Variants in NAALADL2 observed in about 807,000 individuals in gnomAD.
NAALADL2 encodes the protein N-acetylated alpha-linked acidic dipeptidase like 2, also known as inactive N-acetylated-alpha-linked acidic dipeptidase-like protein 2.
A neutral mutation model predicts 87.2 loss-of-function variants in NAALADL2; 76 were observed. That is an observed-to-expected ratio of 0.87 (90% CI 0.72 to 1.05). The LOEUF (loss-of-function observed/expected upper bound fraction) is 1.05, where lower values mean the gene tolerates loss of function less well. NAALADL2 is among the 50% of genes least tolerant of loss of function. The probability of loss-of-function intolerance (pLI) is 0.00; values close to 1 mark genes in which losing one functional copy is unlikely to be tolerated. For synonymous variants in NAALADL2, 354 were observed against 331.0 expected (o/e 1.07, Z -0.75); for missense variants, 1,089 against 945.8 (o/e 1.15, Z -1.99).
At chr3:174,901,043 T>A (rs866262442) in intron 1 of NAALADL2, among the ~76,000 whole-genome samples, 12 of 152,296 alleles carry the variant, frequency 7.9e-5, no homozygotes, top group Middle Eastern at 3.4e-3. Context: ...GGAATCAGTG[T>A]GTCCAACTGT....
chr3:174,805,776 T>C (rs1719397647), intron 3 of NAALADL2, among the ~76,000 whole-genome samples: 1 of 152,182 alleles, frequency 6.6e-6, no homozygotes, highest in Admixed American at 6.6e-5. Context: ...ACTCACAATT[T>C]GAAAACTGAT....
Position 174,787,598 on chromosome 3 carries a change from T to TATAC in NAALADL2, c.-9+49855_-9+49856insCATA, listed in dbSNP as rs1553855297. Among the ~76,000 whole-genome samples the TATAC allele has an allele frequency of 6.6e-5, 4 of 60,184 alleles. 1 individual carries two copies. The highest frequency in any genetic ancestry group is 1.4e-3 in the East Asian group (2 of 1,450). 39.5% of individuals were successfully genotyped at this position (60,184 alleles called of 152,430 possible). On this transcript the variant is annotated intron_variant, in intron 3 of 3. Coordinates refer to the NAALADL2 transcript ENST00000434257. ...CATCATATATATATATATATATATATATATATATATATATATATATATAGT... is the reference window on the plus strand; with the variant it reads ...CATCATATATATATATATATATATATATACATATATATATATATATATATATAGT...
intron 2 of NAALADL2, among the ~76,000 whole-genome samples, chr3:175,130,486 G>T (rs574119732): frequency 6.6e-6 from 1 of 152,106 alleles, no homozygotes; most frequent in Non-Finnish European, 1.5e-5. Context: ...GTCTTACCTC[G>T]AAGTTTTTAA....
At chr3:175,577,475 T>C (rs2149561599) in intron 10 of NAALADL2, among the ~76,000 whole-genome samples, 2 of 152,290 alleles carry the variant, frequency 1.3e-5, no homozygotes, top group East Asian at 3.9e-4. Context: ...GAGGTGGAAT[T>C]TGATGAGGAT....
At chr3:174,975,353 T>C (rs1744225209) in intron 1 of NAALADL2, among the ~76,000 whole-genome samples, 1 of 152,320 alleles carries the variant, frequency 6.6e-6, no homozygotes, top group African/African-American at 2.4e-5. Context: ...AAGACATCCA[T>C]AATAGCTACA....
chr3:175,218,490 A>G (rs1232279474), intron 2 of NAALADL2, among the ~76,000 whole-genome samples: 1 of 148,550 alleles, frequency 6.7e-6, no homozygotes, highest in East Asian at 1.9e-4. Context: ...TCCAAATATA[A>G]TATATATGCA....
intron 11 of NAALADL2, among the ~76,000 whole-genome samples, chr3:175,665,945 G>A (rs1027386105): frequency 1.2e-4 from 18 of 151,818 alleles, no homozygotes; most frequent in African/African-American, 3.4e-4. Flanking sequence ...CAAAAAAAAG[G>A]TTTTATTATA....
intron 2 of NAALADL2, among the ~76,000 whole-genome samples, chr3:174,626,230 C>G (rs759306080): frequency 6.6e-6 from 1 of 151,404 alleles, no homozygotes; most frequent in Non-Finnish European, 1.5e-5. Context: ...GTTTTAAATT[C>G]AAATATACTG....
chr3:174,865,154 C>T (rs1029923446), intron 1 of NAALADL2, among the ~76,000 whole-genome samples: 2 of 151,756 alleles, frequency 1.3e-5, no homozygotes, highest in Non-Finnish European at 2.9e-5. Context: ...TCTTTAAACC[C>T]CTGATTAGTG....
At chr3:175,656,684 GA>G (rs766699022) in intron 11 of NAALADL2, among the ~76,000 whole-genome samples, 29 of 151,992 alleles carry the variant, frequency 1.9e-4, no homozygotes, top group Non-Finnish European at 3.8e-4. Flanking sequence ...GTGTGCAGAG[GA>G]AGAAAGCTAA....
chr3:175,608,451 G>A (rs1201366078), intron 10 of NAALADL2, among the ~76,000 whole-genome samples: 3 of 151,284 alleles, frequency 2.0e-5, no homozygotes, highest in African/African-American at 7.3e-5. Context: ...TTTATTTATT[G>A]AACAGGAAAT....
intron 1 of NAALADL2, among the ~76,000 whole-genome samples, chr3:174,532,657 A>T (rs1180038826): frequency 1.3e-5 from 2 of 152,140 alleles, no homozygotes; most frequent in African/African-American, 4.8e-5. Context: ...CCCCTGTTTC[A>T]CTACCTGATC....
intron 10 of NAALADL2, among the ~76,000 whole-genome samples, chr3:175,626,371 C>CT (rs1278306036): frequency 6.6e-6 from 1 of 151,858 alleles, no homozygotes; most frequent in Non-Finnish European, 1.5e-5. Context: ...AGTGAATACA[C>CT]TTTTTGTTGA....
chr3:175,453,413 G>A (rs1721864620), intron 6 of NAALADL2, among the ~76,000 whole-genome samples: 1 of 151,926 alleles, frequency 6.6e-6, no homozygotes, highest in Non-Finnish European at 1.5e-5. Context: ...AATATGTCTT[G>A]CATGTCTGTG....
chr3:174,806,876 A>G (rs1269920224), intron 3 of NAALADL2, among the ~76,000 whole-genome samples: 4 of 152,186 alleles, frequency 2.6e-5, no homozygotes, highest in South Asian at 2.1e-4. Context: ...CAGATACAAT[A>G]TAATCAGATA....
chr3:174,989,904 T>C (rs1285683424), intron 1 of NAALADL2, among the ~76,000 whole-genome samples: 1 of 152,188 alleles, frequency 6.6e-6, no homozygotes, highest in Non-Finnish European at 1.5e-5. Flanking sequence ...TTTGTTTTAA[T>C]TTTTGACCTC....
chr3:174,802,055 GC>G (rs1249991126), intron 3 of NAALADL2, among the ~76,000 whole-genome samples: 2 of 151,914 alleles, frequency 1.3e-5, no homozygotes, highest in African/African-American at 4.8e-5. Context: ...TAGATGAGAT[GC>G]TTTTAAAAAA....
At chr3:175,167,715 C>G (rs1268478326) in intron 2 of NAALADL2, among the ~76,000 whole-genome samples, 1 of 152,018 alleles carries the variant, frequency 6.6e-6, no homozygotes, top group Non-Finnish European at 1.5e-5. Flanking sequence ...TGAACAATAT[C>G]TTCCATCCCC....
intron 1 of NAALADL2, among the ~76,000 whole-genome samples, chr3:174,480,339 T>C (rs1345320458): frequency 6.6e-6 from 1 of 152,078 alleles, no homozygotes; most frequent in Non-Finnish European, 1.5e-5. Context: ...TTATGTTGAG[T>C]ATAGCTATGA....
Sources: gnomAD v4.1 joint callset for allele counts (sites outside exome capture counted in the v4.1 genomes callset) on GRCh38, gnomAD v4.1.1 for gene constraint, MANE v1.5 for transcripts, NCBI Gene and HGNC (gene_info 2026-07-23, HGNC 2026-07-21) for gene names.